ME2: variants seen among roughly 807,000 people sequenced by gnomAD.
The protein encoded by ME2 is NAD-dependent malic enzyme, mitochondrial.
In ME2, 60 loss-of-function variants were observed where a neutral mutation model predicts 73.7. The ratio of observed to expected loss-of-function variants is 0.81; its 90% CI spans 0.66 to 1.01. The LOEUF (loss-of-function observed/expected upper bound fraction) is 1.01. Among genes scored for constraint, ME2 ranks in the 50% least tolerant of loss-of-function variants. The probability of loss-of-function intolerance (pLI) is 0.00; values close to 1 mark genes in which losing one functional copy is unlikely to be tolerated. For missense variants in ME2, 594 were observed against 705.5 expected (o/e 0.84, Z 1.79); for synonymous variants, 199 against 236.9 (o/e 0.84, Z 1.47).
chr18:50,941,216 G>A (rs1429839047), intron 15 of ME2, among the ~76,000 whole-genome samples: 8 of 138,918 alleles, frequency 5.8e-5, no homozygotes, highest in South Asian at 2.3e-4. Context: ...AGCTGAGATC[G>A]TGCCATTGCA....
rs990411400 is a variant in ME2 at position 50,925,744 on chromosome 18, T to TAA, written c.1172-11_1172-10insAA. The TAA allele has an allele frequency of 1.8e-5, 29 of 1,612,824 alleles. No homozygotes were observed. The highest frequency in any genetic ancestry group is 2.2e-5 in the Non-Finnish European group (26 of 1,179,248). On this transcript the variant is annotated splice_polypyrimidine_tract_variant and intron_variant, in intron 11 of 15. Coordinates refer to ENST00000321341, the MANE Select transcript of ME2 (RefSeq NM_002396.5). ...TAATGAAGTTGCTGTTTTTCCCCCT[T>TAA]ACTTATTACAGGAGTTGCAGGTGCT...
At chr18:50,887,241 CAG>C (rs1356123157) in intron 1 of ME2, among the ~76,000 whole-genome samples, 1 of 152,122 alleles carries the variant, frequency 6.6e-6, no homozygotes, top group African/African-American at 2.4e-5. Context: ...TCTAAAAACA[CAG>C]AGATGGTAAG....
At position 50,952,545 on chromosome 18, in the gene ME2, C is replaced by A. The variant is rs770089149; in HGVS notation, c.*5361C>A. 4.6e-5 allele frequency: 7 copies of A among 152,088 alleles called. No homozygotes were observed. The highest frequency in any genetic ancestry group is 1.0e-4 in the Non-Finnish European group (7 of 67,990). The allele number at this position is 152,088 out of a possible 1,614,324, so 9.4% of individuals were successfully genotyped here. On this transcript the variant is annotated 3_prime_UTR_variant, in exon 16 of 16. Transcript: ENST00000321341. ...TGTCTTTTGGTAAACAGCATTTTGT[C>A]AACAAACTTTTCATATGGCTATAGA...
rs1169327656 is a variant in ME2, at chr18:50,950,384, T to C, written c.*3200T>C. 6.6e-6 allele frequency: 1 copy of C among 150,676 alleles called. No individual in the cohort carries two copies. Among genetic ancestry groups the C allele is most frequent in the Non-Finnish European group, 1.5e-5 (1 of 67,860 alleles). The allele number at this position is 150,676 out of a possible 1,614,324, so 9.3% of individuals were successfully genotyped here. On this transcript the variant is annotated 3_prime_UTR_variant, in exon 16 of 16. Coordinates refer to ENST00000321341, the MANE Select transcript of ME2 (RefSeq NM_002396.5). Reference sequence around the variant, plus strand: ...GATTCTGCCCTCACAATCACTGCCTTAAAGCAGGCAGCAGAATCTTTTGGA... The same window carrying C: ...GATTCTGCCCTCACAATCACTGCCTCAAAGCAGGCAGCAGAATCTTTTGGA...
chr18:50,885,972 T>G lies in ME2; in HGVS notation c.-13+6664T>G, dbSNP rs183976008. 6.3e-4 allele frequency among the ~76,000 whole-genome samples: 96 copies of G among 152,272 alleles called. 1 individual carries two copies. Among genetic ancestry groups the G allele is most frequent in the African/African-American group, 2.2e-3 (93 of 41,580 alleles). ...ATTCTCTTATATAGCAAATTCTCTCTCTTAAAAATAAAATCAATGGAGTTT... is the reference window on the plus strand; with the variant it reads ...ATTCTCTTATATAGCAAATTCTCTCGCTTAAAAATAAAATCAATGGAGTTT... On this transcript the variant is annotated intron_variant, in intron 1 of 15. Transcript: ENST00000321341.
chr18:50,917,226 A>G, intron 5 of ME2, 121 bp from the exon 6 acceptor site: 1 of 759,898 alleles, frequency 1.3e-6, no homozygotes, highest in Non-Finnish European at 2.0e-6. Flanking sequence ...TTAGCCAAGA[A>G]ACAATTTTAT....
In ME2 at chr18:50,947,335, G is replaced by A; in HGVS notation, c.*151G>A. ...ATTTTTTCCATGCGTCTCCACATCT[G>A]TTGGGGTAGACGTGTTGATTGATTG... On this transcript the variant is annotated 3_prime_UTR_variant, in exon 16 of 16. Transcript: ENST00000321341. 1 of 689,424 alleles carries A rather than the reference G, an allele frequency of 1.5e-6. No individual in the cohort carries two copies. The highest frequency in any genetic ancestry group is 2.4e-6 in the Non-Finnish European group (1 of 412,880). 42.7% of individuals were successfully genotyped at this position (689,424 alleles called of 1,614,324 possible). A position where few individuals can be genotyped will look rare whatever the true frequency, so the allele number is the denominator to read the frequency against.
intron 13 of ME2, chr18:50,939,114 A>G (rs1027355273): frequency 2.1e-5 from 3 of 145,704 alleles, no homozygotes; most frequent in Non-Finnish European, 3.0e-5. Flanking sequence ...CAAGATCAGC[A>G]CAATAAGAGA....
At chr18:50,929,453 A>T (rs1417543270) in intron 12 of ME2, among the ~76,000 whole-genome samples, 1 of 147,288 alleles carries the variant, frequency 6.8e-6, no homozygotes, top group Non-Finnish European at 1.5e-5. Context: ...GTGCCACTGC[A>T]CTCCAGCCTG....
intron 10 of ME2, among the ~76,000 whole-genome samples, chr18:50,923,791 C>G (rs1045514299): frequency 2.6e-5 from 4 of 152,186 alleles, no homozygotes; most frequent in African/African-American, 7.2e-5. Context: ...CAAAACTCAT[C>G]TACCCCAGAT....
intron 7 of ME2, among the ~76,000 whole-genome samples, 172 bp from the exon 8 acceptor site, chr18:50,920,284 A>C (rs1021313198): frequency 4.6e-5 from 7 of 152,224 alleles, no homozygotes. Flanking sequence ...TTTTTATTGA[A>C]TAATTTCTAC....
chr18:50,908,812 T>C (rs899431966), intron 3 of ME2, among the ~76,000 whole-genome samples: 2 of 152,048 alleles, frequency 1.3e-5, no homozygotes, highest in Non-Finnish European at 2.9e-5. Flanking sequence ...GGCTAATTTT[T>C]TTATTTGTAG....
rs779266092 is a variant in ME2 at position 50,894,955 on chromosome 18, C to CA, written c.-12-840dup. On this transcript the variant is annotated intron_variant, in intron 1 of 15. Coordinates refer to ENST00000321341, the MANE Select transcript of ME2 (RefSeq NM_002396.5). ...GGTTACTTTTATGATATATGAGCTTCAAAAAAAAAAAAAATCCTTATGTAA... is the reference window on the plus strand; with the variant it reads ...GGTTACTTTTATGATATATGAGCTTCAAAAAAAAAAAAAAATCCTTATGTAA... Among the ~76,000 whole-genome samples, 1,083 of 134,546 alleles carry CA rather than the reference C, an allele frequency of 8.0e-3. 9 individuals are homozygous for CA. The highest frequency in any genetic ancestry group is 0.019 in the African/African-American group (692 of 36,640). 88.3% of individuals were successfully genotyped at this position (134,546 alleles called of 152,430 possible). A position where few individuals can be genotyped will look rare whatever the true frequency, so the allele number is the denominator to read the frequency against.
At chr18:50,927,810 A>ATTTTTT (rs545334028) in intron 12 of ME2, among the ~76,000 whole-genome samples, 2 of 73,092 alleles carry the variant, frequency 2.7e-5, no homozygotes, top group African/African-American at 1.2e-4. Flanking sequence ...TTGTCATTTA[A>ATTTTTT]TTTTTTTTTT....
chr18:50,930,597 C>A lies in ME2; in HGVS notation c.1315-1661C>A, dbSNP rs183440216. 2.4e-3 allele frequency among the ~76,000 whole-genome samples: 368 copies of A among 152,222 alleles called. 3 individuals are homozygous for A. Among genetic ancestry groups the A allele is most frequent in the Admixed American group, 4.3e-3 (66 of 15,286 alleles). On this transcript the variant is annotated intron_variant, in intron 12 of 15. Coordinates refer to ENST00000321341, the MANE Select transcript of ME2 (RefSeq NM_002396.5). Reference sequence around the variant, plus strand: ...ATGGGCAGGGAGGCAGGGATGGTGACCTGGAGAACGTGAACTGCTATAGAA... The same window carrying A: ...ATGGGCAGGGAGGCAGGGATGGTGAACTGGAGAACGTGAACTGCTATAGAA...
rs370952608 is a variant in ME2 at position 50,916,184 on chromosome 18, A to G, written c.409A>G (p.Ile137Val). Reference protein sequence around the residue: ...FRRPKGLFISISDRGHVRSIV... With the variant: ...FRRPKGLFISVSDRGHVRSIV... ...CTGTTGCAGGGGATTATTTATTTCG[A>G]TCTCAGACAGAGGTCATGTTAGATC... is the stretch of plus-strand genomic sequence containing the variant. Residue 137 changes from isoleucine (I) to valine (V), a missense_variant, in exon 5 of 16, where the codon ATC (isoleucine) becomes GTC (valine). Coordinates refer to ENST00000321341, the MANE Select transcript of ME2 (RefSeq NM_002396.5). 1.6e-5 allele frequency: 26 copies of G among 1,611,224 alleles called. No homozygotes were observed. The highest frequency in any genetic ancestry group is 3.3e-5 in the South Asian group (3 of 90,534).
chr18:50,909,840 C>A (rs1313454415), intron 3 of ME2, among the ~76,000 whole-genome samples: 1 of 151,726 alleles, frequency 6.6e-6, no homozygotes, highest in Non-Finnish European at 1.5e-5. Context: ...ATTGTTAGAG[C>A]AAGGTCTAGG....
In ME2 at chr18:50,939,504, A is replaced by G. The variant is rs529904899; in HGVS notation, c.1418-66A>G. The G allele has an allele frequency of 6.0e-5, 66 of 1,107,220 alleles. No homozygotes were observed. The South Asian group carries it at 8.0e-4, about 13-fold the overall frequency. The allele number at this position is 1,107,220 out of a possible 1,614,324, so 68.6% of individuals were successfully genotyped here. On this transcript the variant is annotated intron_variant, in intron 13 of 15. Transcript: ENST00000321341. ...TGGATTACCATTTATTTGCCTGAAT[A>G]TAGGAATTTACTTCTTTCATAATTT...
At chr18:50,895,384 A>G (rs780095451) in intron 1 of ME2, among the ~76,000 whole-genome samples, 6 of 152,230 alleles carry the variant, frequency 3.9e-5, no homozygotes, top group Admixed American at 6.5e-5. Flanking sequence ...GTCTAGATTA[A>G]GAATCAGGAT....
Sources: allele counts gnomAD v4.1 joint callset (sites outside exome capture counted in the v4.1 genomes callset), GRCh38; gene constraint gnomAD v4.1.1; transcripts MANE v1.5; gene names NCBI Gene and HGNC (gene_info 2026-07-23, HGNC 2026-07-21).